The following FSTL5 variants were observed in gnomAD, a reference collection of about 807,000 sequenced individuals.
The protein encoded by FSTL5 is follistatin-related protein 5.
Under a neutral mutation model 89.1 loss-of-function variants are expected in FSTL5, and 62 were observed. The ratio of observed to expected loss-of-function variants is 0.70; its 90% CI spans 0.57 to 0.86. The LOEUF is 0.86. Ranked by LOEUF, FSTL5 falls within the 40% of genes least tolerant of loss-of-function variation. The pLI is 0.00. For synonymous variants in FSTL5, 383 were observed against 346.2 expected (o/e 1.11, Z -1.18); for missense variants, 1,057 against 1,001.6 (o/e 1.06, Z -0.75).
At chr4:161,818,515 G>C (rs1294449945) in intron 4 of FSTL5, among the ~76,000 whole-genome samples, 2 of 152,152 alleles carry the variant, frequency 1.3e-5, no homozygotes, top group African/African-American at 4.8e-5. Flanking sequence ...TGGGGCTTTG[G>C]GAGCTGTGAA....
At chr4:161,828,921 AC>A (rs1730750975) in intron 4 of FSTL5, among the ~76,000 whole-genome samples, 4 of 151,954 alleles carry the variant, frequency 2.6e-5, no homozygotes, top group Non-Finnish European at 5.9e-5. Context: ...CAGGTATAAA[AC>A]CACTAAAGAA....
intron 2 of FSTL5, among the ~76,000 whole-genome samples, chr4:162,034,421 T>C (rs1737655534): frequency 6.6e-6 from 1 of 152,142 alleles, no homozygotes; most frequent in Admixed American, 6.6e-5. Flanking sequence ...TTAGTTTAAC[T>C]TAGAATTGGA....
chr4:161,413,376 T>G (rs1578954388), intron 15 of FSTL5, among the ~76,000 whole-genome samples: 1 of 148,990 alleles, frequency 6.7e-6, no homozygotes, highest in African/African-American at 2.5e-5. Context: ...CAATGAGATA[T>G]CATCTAAGAC....
chr4:161,708,634 A>C (rs1738669285), intron 6 of FSTL5, among the ~76,000 whole-genome samples: 1 of 152,094 alleles, frequency 6.6e-6, no homozygotes, highest in Admixed American at 6.6e-5. Context: ...CAAATTAAAA[A>C]AAAACTTTCA....
rs1213889361 is a variant in FSTL5 at position 161,409,391 on chromosome 4, A to AT, written c.1842-22943dup. Among the ~76,000 whole-genome samples, 901 of 151,368 alleles carry AT rather than the reference A, an allele frequency of 6.0e-3. 4 individuals are homozygous for AT. The highest frequency in any genetic ancestry group is 0.02 in the African/African-American group (813 of 41,278). ...GAATTATTATTTTATTATTATTATTATTATTTTTTTGAGATGGAGTCTTGC... is the reference window on the plus strand; with the variant it reads ...GAATTATTATTTTATTATTATTATTATTTATTTTTTTGAGATGGAGTCTTGC... On this transcript the variant is annotated intron_variant, in intron 15 of 15. Transcript: ENST00000306100.
chr4:161,470,550 C>A (rs1429195302), intron 13 of FSTL5, among the ~76,000 whole-genome samples: 1 of 151,426 alleles, frequency 6.6e-6, no homozygotes, highest in African/African-American at 2.4e-5. Flanking sequence ...TCTTCTTTTG[C>A]AAGAATATAT....
chr4:161,824,074 G>C (rs1730585598), intron 4 of FSTL5, among the ~76,000 whole-genome samples: 1 of 152,128 alleles, frequency 6.6e-6, no homozygotes, highest in African/African-American at 2.4e-5. Context: ...TCTTGGTCAT[G>C]AAGTCTTTGC....
At chr4:161,852,813 G>A (rs777861675) in intron 4 of FSTL5, among the ~76,000 whole-genome samples, 9 of 152,122 alleles carry the variant, frequency 5.9e-5, no homozygotes, top group Admixed American at 1.3e-4. Flanking sequence ...CCTTTGCAGG[G>A]ACATGGATGG....
intron 4 of FSTL5, among the ~76,000 whole-genome samples, chr4:161,826,948 T>A (rs548800250): frequency 3.3e-5 from 5 of 152,312 alleles, no homozygotes; most frequent in Admixed American, 6.5e-5. Flanking sequence ...AACATTTTTT[T>A]AAATTTATTT....
chr4:161,711,772 T>C (rs1162519459), intron 6 of FSTL5, among the ~76,000 whole-genome samples: 1 of 152,166 alleles, frequency 6.6e-6, no homozygotes, highest in Non-Finnish European at 1.5e-5. Context: ...AAGATGATTA[T>C]ATGTTATGAA....
chr4:161,872,151 T>TTTC (rs1732292692), intron 4 of FSTL5, among the ~76,000 whole-genome samples: 1 of 140,784 alleles, frequency 7.1e-6, no homozygotes, highest in South Asian at 2.3e-4. Context: ...GTTTTTTTTT[T>TTTC]TTTTTTTGTA....
chr4:161,652,092 G>C (rs1736361255), intron 7 of FSTL5, among the ~76,000 whole-genome samples: 1 of 152,064 alleles, frequency 6.6e-6, no homozygotes, highest in Admixed American at 6.6e-5. Context: ...CCCAGCACTT[G>C]ATACCACTTA....
At chr4:161,905,223 TA>T (rs561220758) in intron 4 of FSTL5, among the ~76,000 whole-genome samples, 1 of 152,070 alleles carries the variant, frequency 6.6e-6, no homozygotes, top group Non-Finnish European at 1.5e-5. Context: ...TCTTTAAAAT[TA>T]AAAAAAGATT....
chr4:161,700,662 C>T (rs1424092555), intron 6 of FSTL5, among the ~76,000 whole-genome samples: 1 of 152,004 alleles, frequency 6.6e-6, no homozygotes, highest in Non-Finnish European at 1.5e-5. Flanking sequence ...CAGGCATGAG[C>T]CACTGTGCCT....
At chr4:161,724,045 G>A (rs1417600515) in intron 6 of FSTL5, among the ~76,000 whole-genome samples, 3 of 152,008 alleles carry the variant, frequency 2.0e-5, no homozygotes, top group Non-Finnish European at 4.4e-5. Flanking sequence ...AATGAATAAG[G>A]CCTTAGAAAG....
intron 7 of FSTL5, among the ~76,000 whole-genome samples, chr4:161,636,165 T>C (rs988105096): frequency 5.3e-5 from 8 of 152,110 alleles, no homozygotes; most frequent in South Asian, 2.1e-4. Flanking sequence ...TTCTGATTAA[T>C]CACTTCTAAT....
At chr4:161,609,691 G>A (rs1734573499) in intron 7 of FSTL5, among the ~76,000 whole-genome samples, 2 of 151,908 alleles carry the variant, frequency 1.3e-5, no homozygotes, top group African/African-American at 4.8e-5. Context: ...GAAGACATGA[G>A]ATTCATGGAT....
intron 15 of FSTL5, among the ~76,000 whole-genome samples, chr4:161,424,955 T>A (rs1732121788): frequency 6.6e-6 from 1 of 152,236 alleles, no homozygotes; most frequent in East Asian, 1.9e-4. Context: ...TTCCCCATTG[T>A]TCTGTTTTCT....
intron 7 of FSTL5, among the ~76,000 whole-genome samples, chr4:161,602,253 A>AAGAGAGAGAGAGAGAGAGAGAGAGAG (rs58991875): frequency 8.1e-6 from 1 of 122,734 alleles, no homozygotes; most frequent in African/African-American, 3.2e-5. Flanking sequence ...GAGGGAGAGA[A>AAGAGAGAGAGAGAGAGAGAGAGAGAG]AGAGAGAGAG....
Sources: gnomAD v4.1 joint callset for allele counts (sites outside exome capture counted in the v4.1 genomes callset) on GRCh38, gnomAD v4.1.1 for gene constraint, MANE v1.5 for transcripts, NCBI Gene and HGNC (gene_info 2026-07-23, HGNC 2026-07-21) for gene names.